Variants in ZNF717 observed in about 807,000 individuals in gnomAD.
The protein encoded by ZNF717 is zinc finger protein 717, also known as krueppel-like factor X17.
A neutral mutation model predicts 13.8 loss-of-function variants in ZNF717; 9 were observed. The observed-to-expected ratio is 0.65, with a 90% CI of 0.39 to 1.14. The LOEUF (loss-of-function observed/expected upper bound fraction) is 1.14, where lower values mean the gene tolerates loss of function less well. Ranked by LOEUF, ZNF717 falls within the 50% of genes most tolerant of loss-of-function variation. The pLI, the probability that ZNF717 is intolerant of heterozygous loss-of-function variation, is 0.01. For missense variants in ZNF717, 1,040 were observed against 1,080.7 expected, an observed-to-expected ratio of 0.96 and a Z score of 0.53; for synonymous variants, 327 against 364.1, an observed-to-expected ratio of 0.90 and a Z score of 1.16.
chr3:75,702,364 G>T (rs1438562974), intron 6 of ZNF717, among the ~76,000 whole-genome samples: 2 of 152,304 alleles, frequency 1.3e-5, no homozygotes, highest in African/African-American at 4.8e-5. Flanking sequence ...AAATAAGTCA[G>T]GCACAGAAAG....
At chr3:75,782,286 G>A (rs1944878799) in intron 2 of ZNF717, among the ~76,000 whole-genome samples, 1 of 152,198 alleles carries the variant, frequency 6.6e-6, no homozygotes, top group South Asian at 2.1e-4. Context: ...ACTTTGAACA[G>A]GCTGCTGCAC....
chr3:75,765,013 A>ATGTGTGTG (rs1559661747), intron 2 of ZNF717, among the ~76,000 whole-genome samples: 1 of 19,568 alleles, frequency 5.1e-5, no homozygotes, highest in African/African-American at 1.4e-4. Context: ...ATATATATAT[A>ATGTGTGTG]TATATATATA....
intron 6 of ZNF717, among the ~76,000 whole-genome samples, chr3:75,696,389 T>A (rs1454167591): frequency 6.6e-6 from 1 of 152,048 alleles, no homozygotes; most frequent in Non-Finnish European, 1.5e-5. Flanking sequence ...GAGGCTAGTA[T>A]TACCCTGATA....
At chr3:75,743,631 G>A (rs150264924) in intron 2 of ZNF717, among the ~76,000 whole-genome samples, 273 of 152,324 alleles carry the variant, frequency 1.8e-3, no homozygotes, top group African/African-American at 5.9e-3. Flanking sequence ...GGAGTAAAGA[G>A]GAAGACAGAT....
intron 4 of ZNF717, among the ~76,000 whole-genome samples, chr3:75,721,561 G>C (rs201445619): frequency 1.3e-5 from 2 of 150,594 alleles, no homozygotes; most frequent in Non-Finnish European, 3.0e-5. Flanking sequence ...GATTACAGGC[G>C]TGAGCCCCCA....
intron 6 of ZNF717, among the ~76,000 whole-genome samples, chr3:75,701,880 A>C (rs1937704578): frequency 1.3e-5 from 2 of 152,430 alleles, no homozygotes. Context: ...GCAAATGAAA[A>C]GGTGCTCCAC....
intron 2 of ZNF717, among the ~76,000 whole-genome samples, chr3:75,758,898 G>C (rs1220234820): frequency 1.3e-5 from 2 of 152,184 alleles, no homozygotes; most frequent in Non-Finnish European, 2.9e-5. Context: ...AGCTAGTCAG[G>C]AGTCTGAGGT....
At chr3:75,696,962 T>A in intron 6 of ZNF717, among the ~76,000 whole-genome samples, 1 of 93,998 alleles carries the variant, frequency 1.1e-5, no homozygotes, top group South Asian at 2.9e-4. Flanking sequence ...CTAAAAAAAT[T>A]TGATAAAATT....
chr3:75,699,279 G>T (rs1205561808), intron 6 of ZNF717, among the ~76,000 whole-genome samples: 1 of 152,308 alleles, frequency 6.6e-6, no homozygotes, highest in Non-Finnish European at 1.5e-5. Context: ...TAAGACTTTG[G>T]GGATTATTGG....
At chr3:75,769,329 G>C (rs1321151483) in intron 2 of ZNF717, among the ~76,000 whole-genome samples, 1 of 152,054 alleles carries the variant, frequency 6.6e-6, no homozygotes, top group African/African-American at 2.4e-5. Flanking sequence ...GAGAGGGCTG[G>C]GTGCCTACTC....
At chr3:75,735,654 A>AAAG (rs1939093003), downstream of ZNF717, among the ~76,000 whole-genome samples, 1 of 47,748 alleles carries the variant, frequency 2.1e-5, no homozygotes, top group East Asian at 4.8e-4. Context: ...AAAAAAAAAA[A>AAAG]AAAGCAACGA....
intron 2 of ZNF717, among the ~76,000 whole-genome samples, chr3:75,768,204 C>T (rs1437206494): frequency 6.6e-6 from 1 of 152,220 alleles, no homozygotes; most frequent in East Asian, 1.9e-4. Context: ...AAGAGAAATG[C>T]TGACTGTTTT....
intron 2 of ZNF717, among the ~76,000 whole-genome samples, chr3:75,756,932 TC>T (rs1410389704): frequency 6.6e-6 from 1 of 152,260 alleles, no homozygotes; most frequent in Non-Finnish European, 1.5e-5. Context: ...CGCCTCGGCC[TC>T]CCAAAGTGCT....
chr3:75,730,942 G>C (rs1441478405), downstream of ZNF717, among the ~76,000 whole-genome samples: 4 of 152,352 alleles, frequency 2.6e-5, no homozygotes, highest in East Asian at 7.7e-4. Flanking sequence ...ATTTCTGCAT[G>C]TAAGAAGCTT....
In ZNF717 at chr3:75,738,936, C is replaced by A; in HGVS notation, c.687G>T (p.Arg229Ser). The A allele has an allele frequency of 1.3e-5, 20 of 1,551,492 alleles. No homozygotes were observed. The highest frequency in any genetic ancestry group is 1.7e-5 in the Non-Finnish European group (19 of 1,146,942). Residue 229 changes from arginine to serine, a missense_variant, in exon 5 of 5, where the codon AGG (arginine) becomes AGT (serine). Physicochemically the swap from Arg to Ser is moderately radical, Grantham distance 110. This residue lies in a region of ZNF717 where 873 missense variants were observed against 832.8 expected (regional missense o/e 1.05). Coordinates refer to ENST00000652011, the MANE Select transcript of ZNF717 (RefSeq NM_001290208.3). ...NTEAMFFIHK[R>S]VHIVQTFGKY... Reference sequence around the variant, plus strand: ...TACCAAAGGTCTGTACTATATGAACCCTCTTATGTATAAAGAACATTGCCT... The same window carrying A: ...TACCAAAGGTCTGTACTATATGAACACTCTTATGTATAAAGAACATTGCCT...
chr3:75,771,308 C>T (rs1279552678), intron 2 of ZNF717, among the ~76,000 whole-genome samples: 1 of 152,178 alleles, frequency 6.6e-6, no homozygotes, highest in Non-Finnish European at 1.5e-5. Flanking sequence ...TTCTGTACAT[C>T]ACATTCCCTT....
intron 2 of ZNF717, among the ~76,000 whole-genome samples, chr3:75,747,625 T>C (rs1301897079): frequency 3.9e-5 from 6 of 152,106 alleles, no homozygotes; most frequent in African/African-American, 1.4e-4. Flanking sequence ...TGAAGCAAAT[T>C]TGAATGGGAG....
chr3:75,749,176 T>G (rs1468559013), intron 2 of ZNF717, among the ~76,000 whole-genome samples: 1 of 151,398 alleles, frequency 6.6e-6, no homozygotes, highest in African/African-American at 2.4e-5. Flanking sequence ...CCGCATAGGA[T>G]TCCAGAACAC....
chr3:75,740,739 G>A (rs1201381680), intron 4 of ZNF717, among the ~76,000 whole-genome samples: 36 of 150,780 alleles, frequency 2.4e-4, no homozygotes, highest in African/African-American at 8.0e-4. Flanking sequence ...GCTAGGGTGT[G>A]AGGAACACTT....
Sources: allele counts gnomAD v4.1 joint callset (sites outside exome capture counted in the v4.1 genomes callset), GRCh38; gene constraint gnomAD v4.1.1; regional missense constraint gnomAD v4.1.1; transcripts MANE v1.5; gene names NCBI Gene and HGNC (gene_info 2026-07-23, HGNC 2026-07-21).